L3MBTL4: variants seen among roughly 807,000 people sequenced by gnomAD.
The protein encoded by L3MBTL4 is lethal(3)malignant brain tumor-like protein 4.
A neutral mutation model predicts 84.5 loss-of-function variants in L3MBTL4; 70 were observed. The ratio of observed to expected loss-of-function variants is 0.83; its 90% CI spans 0.68 to 1.01. The LOEUF is 1.01. Among genes scored for constraint, L3MBTL4 ranks in the 50% least tolerant of loss-of-function variants. The probability of loss-of-function intolerance (pLI) is 0.00; values close to 1 mark genes in which losing one functional copy is unlikely to be tolerated. For synonymous variants in L3MBTL4, 274 were observed against 259.8 expected, an observed-to-expected ratio of 1.05 and a Z score of -0.52; for missense variants, 715 against 754.8, an observed-to-expected ratio of 0.95 and a Z score of 0.62.
chr18:6,128,111 A>G (rs1007138656), intron 14 of L3MBTL4, among the ~76,000 whole-genome samples: 2 of 152,092 alleles, frequency 1.3e-5, no homozygotes, highest in Non-Finnish European at 2.9e-5. Flanking sequence ...AAGCTACACA[A>G]TCTATCCAGC....
chr18:5,964,692 GA>G (rs2052251901), intron 17 of L3MBTL4, among the ~76,000 whole-genome samples: 1 of 152,162 alleles, frequency 6.6e-6, no homozygotes, highest in South Asian at 2.1e-4. Flanking sequence ...GGTGCTTTAA[GA>G]AGTGGTTTTT....
chr18:5,974,629 A>G (rs1291830026), intron 16 of L3MBTL4, among the ~76,000 whole-genome samples: 1 of 152,184 alleles, frequency 6.6e-6, no homozygotes, highest in Non-Finnish European at 1.5e-5. Flanking sequence ...GACTTGCGAC[A>G]CGAGGCAGAG....
intron 10 of L3MBTL4, among the ~76,000 whole-genome samples, chr18:6,226,187 A>G (rs2046776563): frequency 6.6e-6 from 1 of 152,168 alleles, no homozygotes; most frequent in South Asian, 2.1e-4. Context: ...CAGGTGGATT[A>G]CTTGACGTCA....
intron 1 of L3MBTL4, chr18:6,397,470 T>C (rs2055320382): frequency 1.3e-5 from 2 of 152,162 alleles, no homozygotes; most frequent in South Asian, 4.1e-4. Flanking sequence ...AATATCACTG[T>C]CCGAAGAGCC....
chr18:6,318,222 A>G (rs1317496127), intron 1 of L3MBTL4, among the ~76,000 whole-genome samples: 1 of 152,082 alleles, frequency 6.6e-6, no homozygotes, highest in Non-Finnish European at 1.5e-5. Flanking sequence ...CTAGGTAACA[A>G]TTAACATGAT....
At chr18:6,135,448 T>A (rs904841674) in intron 14 of L3MBTL4, among the ~76,000 whole-genome samples, 1 of 152,214 alleles carries the variant, frequency 6.6e-6, no homozygotes, top group Non-Finnish European at 1.5e-5. Context: ...TCTGAACTTT[T>A]ATGCTCTGTT....
intron 14 of L3MBTL4, among the ~76,000 whole-genome samples, chr18:6,096,595 C>T (rs2058651453): frequency 6.6e-6 from 1 of 152,128 alleles, no homozygotes; most frequent in Admixed American, 6.5e-5. Context: ...TGCTTATGTG[C>T]ATGCACGTAC....
At chr18:6,124,142 G>A (rs80333853) in intron 14 of L3MBTL4, among the ~76,000 whole-genome samples, 2,399 of 152,294 alleles carry the variant, frequency 0.016, 69 homozygotes, top group African/African-American at 0.055. Context: ...ATTCATTCAA[G>A]TGATTTTCCT....
At chr18:6,063,304 T>C (rs971054180) in intron 16 of L3MBTL4, among the ~76,000 whole-genome samples, 2 of 143,874 alleles carry the variant, frequency 1.4e-5, no homozygotes, top group Non-Finnish European at 3.1e-5. Flanking sequence ...AATATCTGTG[T>C]GTGTGTGTGT....
At chr18:6,061,903 A>G (rs1010309639) in intron 16 of L3MBTL4, among the ~76,000 whole-genome samples, 7 of 151,630 alleles carry the variant, frequency 4.6e-5, no homozygotes, top group Admixed American at 4.0e-4. Flanking sequence ...ATATTCCCCA[A>G]TTCTCCCTCT....
intron 16 of L3MBTL4, among the ~76,000 whole-genome samples, chr18:6,046,375 T>C (rs2056618571): frequency 6.6e-6 from 1 of 152,200 alleles, no homozygotes; most frequent in Non-Finnish European, 1.5e-5. Flanking sequence ...AAATAAATTC[T>C]GGACTTGAAT....
intron 16 of L3MBTL4, among the ~76,000 whole-genome samples, chr18:6,063,979 T>C (rs1187234057): frequency 6.6e-6 from 1 of 152,128 alleles, no homozygotes; most frequent in Non-Finnish European, 1.5e-5. Flanking sequence ...CTATAATTTT[T>C]ATGGTTTCAG....
chr18:6,176,635 T>C (rs1308911318), intron 12 of L3MBTL4, among the ~76,000 whole-genome samples: 1 of 152,126 alleles, frequency 6.6e-6, no homozygotes, highest in Non-Finnish European at 1.5e-5. Flanking sequence ...GTCTTCATGA[T>C]ATTGGAATAT....
intron 16 of L3MBTL4, among the ~76,000 whole-genome samples, chr18:6,013,285 C>T (rs1170885208): frequency 6.6e-6 from 1 of 152,172 alleles, no homozygotes; most frequent in Non-Finnish European, 1.5e-5. Context: ...GGAAGACTCA[C>T]CCGCTCCTTC....
chr18:6,133,854 G>A lies in L3MBTL4; in HGVS notation c.1199+4340C>T, dbSNP rs539411146. On this transcript the variant is annotated intron_variant, in intron 14 of 18. Transcript: ENST00000317931. ...GTGGGCCCCAGCCTGTTCACTAAGA[G>A]GCAAAATGGTGGAGTTTAACTGGCA... Among the ~76,000 whole-genome samples the A allele has an allele frequency of 3.9e-5, 6 of 152,272 alleles. No homozygotes were observed. The East Asian group carries it at 1.2e-3, about 29-fold the overall frequency.
At chr18:6,202,280 T>G (rs1458073342) in intron 12 of L3MBTL4, among the ~76,000 whole-genome samples, 1 of 152,096 alleles carries the variant, frequency 6.6e-6, no homozygotes, top group South Asian at 2.1e-4. Flanking sequence ...TCTGTTAAAT[T>G]TGTTTAAAGT....
At chr18:6,190,284 G>A (rs1462241619) in intron 12 of L3MBTL4, among the ~76,000 whole-genome samples, 2 of 152,224 alleles carry the variant, frequency 1.3e-5, no homozygotes, top group African/African-American at 4.8e-5. Context: ...GGAAAGGGCT[G>A]TAGTGTTGGC....
intron 14 of L3MBTL4, among the ~76,000 whole-genome samples, chr18:6,135,965 T>C (rs1214951431): frequency 6.6e-6 from 1 of 152,226 alleles, no homozygotes; most frequent in Admixed American, 6.5e-5. Context: ...TAATTGGACT[T>C]ACAGTTCCAC....
chr18:6,135,263 C>T (rs986083595), intron 14 of L3MBTL4, among the ~76,000 whole-genome samples: 4 of 152,176 alleles, frequency 2.6e-5, no homozygotes, highest in Non-Finnish European at 4.4e-5. Context: ...GCCTCCAGGC[C>T]TGTGATGGGA....
Sources: allele counts gnomAD v4.1 joint callset (sites outside exome capture counted in the v4.1 genomes callset), GRCh38; gene constraint gnomAD v4.1.1; transcripts MANE v1.5; gene names NCBI Gene and HGNC (gene_info 2026-07-23, HGNC 2026-07-21).